AEBP2: variants seen among roughly 807,000 people sequenced by gnomAD.
The protein encoded by AEBP2 is AE binding protein 2.
AEBP2 carries 10 observed loss-of-function variants against 50.8 expected under a neutral mutation model. The ratio of observed to expected loss-of-function variants is 0.20; its 90% CI spans 0.12 to 0.33. The LOEUF is 0.33. Ranked by LOEUF, AEBP2 falls within the 10% of genes least tolerant of loss-of-function variation. The probability of loss-of-function intolerance (pLI) is 1.00; values close to 1 mark genes in which losing one functional copy is unlikely to be tolerated. For synonymous variants in AEBP2, 296 were observed against 261.3 expected, an observed-to-expected ratio of 1.13 and a Z score of -1.28; for missense variants, 570 against 688.0, an observed-to-expected ratio of 0.83 and a Z score of 1.92.
upstream of AEBP2, among the ~76,000 whole-genome samples, chr12:19,439,337 G>A (rs1245460477): frequency 6.6e-6 from 1 of 151,328 alleles, no homozygotes; most frequent in South Asian, 2.1e-4. Flanking sequence ...CCGGCAGGGC[G>A]TGGGAAGGCC....
At chr12:19,430,240 C>T (rs188162224) in intron 1 of AEBP2, among the ~76,000 whole-genome samples, 6 of 152,298 alleles carry the variant, frequency 3.9e-5, no homozygotes, top group Non-Finnish European at 7.3e-5. Context: ...GGAATCCTTT[C>T]CCCATTTCTT....
chr12:19,438,290 T>C (rs1947882040), upstream of AEBP2, among the ~76,000 whole-genome samples: 1 of 152,242 alleles, frequency 6.6e-6, no homozygotes, highest in African/African-American at 2.4e-5. Context: ...TTTTTCTTTG[T>C]TAGATCTTTA....
rs74561069 is a variant in AEBP2 at position 19,433,097 on chromosome 12, A to T, written c.-17+28881A>T. Among the ~76,000 whole-genome samples, 5 of 152,062 alleles carry T rather than the reference A, an allele frequency of 3.3e-5. No homozygotes were observed. The East Asian group carries it at 9.6e-4, about 29-fold the overall frequency. On this transcript the variant is annotated intron_variant, in intron 1 of 3. Transcript: ENST00000538425. ...GAAAGACCAGTATTTAAAAAAAAAA[A>T]TTTCTGGGCTGGGCACAGTGGCTCA...
At chr12:19,412,307 C>T (rs1202128406) in intron 1 of AEBP2, among the ~76,000 whole-genome samples, 1 of 151,914 alleles carries the variant, frequency 6.6e-6, no homozygotes, top group Non-Finnish European at 1.5e-5. Flanking sequence ...GAGACAGGGT[C>T]TTGTGCTATC....
intron 3 of AEBP2, among the ~76,000 whole-genome samples, chr12:19,482,344 C>T (rs76510975): frequency 0.022 from 3,272 of 152,086 alleles, 41 homozygotes; most frequent in East Asian, 0.043. Flanking sequence ...TGGTGGTGTT[C>T]GGTTGTAGAT....
intron 1 of AEBP2, among the ~76,000 whole-genome samples, chr12:19,428,449 G>A (rs763981746): frequency 1.3e-5 from 2 of 152,196 alleles, no homozygotes; most frequent in Non-Finnish European, 2.9e-5. Flanking sequence ...CCCATGAACA[G>A]GAAGGAGATA....
intron 1 of AEBP2, chr12:19,413,271 TA>T: frequency 8.0e-7 from 1 of 1,255,896 alleles, no homozygotes; most frequent in Non-Finnish European, 1.2e-6. Context: ...TTAGCACTTG[TA>T]AAGCCTGAAA....
At chr12:19,432,763 G>A (rs1037143446) in intron 1 of AEBP2, among the ~76,000 whole-genome samples, 1 of 152,100 alleles carries the variant, frequency 6.6e-6, no homozygotes, top group Non-Finnish European at 1.5e-5. Flanking sequence ...ACCTAGAATA[G>A]CAGAGCAGAG....
chr12:19,439,699 C>T lies in AEBP2; in HGVS notation c.-1C>T, dbSNP rs775023420. On this transcript the variant is annotated 5_prime_UTR_variant, in exon 1 of 8. Coordinates refer to ENST00000266508, the MANE Select transcript of AEBP2 (RefSeq NM_153207.5). ...GAGGAGGAGGAGGAGCAGGCGCCGC[C>T]ATGGCCGCCGCTATCACCGACATGG... 2.0e-6 allele frequency: 3 copies of T among 1,513,696 alleles called. No homozygotes were observed. In the South Asian group the frequency reaches 3.6e-5, roughly 18 times the overall value. 93.8% of individuals were successfully genotyped at this position (1,513,696 alleles called of 1,614,324 possible).
chr12:19,410,903 C>A (rs189884995), intron 1 of AEBP2, among the ~76,000 whole-genome samples: 1 of 152,084 alleles, frequency 6.6e-6, no homozygotes, highest in Non-Finnish European at 1.5e-5. Context: ...GAAGGAGGGA[C>A]GGCTTAACTT....
At chr12:19,425,396 A>G (rs2095748008) in intron 1 of AEBP2, among the ~76,000 whole-genome samples, 1 of 152,172 alleles carries the variant, frequency 6.6e-6, no homozygotes, top group African/African-American at 2.4e-5. Context: ...GAATATTAGA[A>G]ATAGTGGAAT....
intron 1 of AEBP2, among the ~76,000 whole-genome samples, chr12:19,423,208 A>G (rs1481811553): frequency 3.3e-5 from 5 of 151,902 alleles, no homozygotes; most frequent in Non-Finnish European, 2.9e-5. Flanking sequence ...CACTCAATAT[A>G]TGGTGAATAA....
chr12:19,479,956 G>A (rs1308025426), intron 3 of AEBP2, among the ~76,000 whole-genome samples: 1 of 151,658 alleles, frequency 6.6e-6, no homozygotes, highest in African/African-American at 2.4e-5. Flanking sequence ...TTTAAATGTA[G>A]CATTTAGGCC....
In AEBP2 at chr12:19,448,201, C is replaced by T. The variant is rs1462135899; in HGVS notation, c.671+7831C>T. On this transcript the variant is annotated intron_variant, in intron 1 of 7. Transcript: ENST00000266508. ...GGATTACAGGCGTGAGCCACTGTGC[C>T]TTGCCAGAAGTCATCATATTTCTAC... 1.3e-5 allele frequency among the ~76,000 whole-genome samples: 2 copies of T among 152,270 alleles called. 1 individual carries two copies. The highest frequency in any genetic ancestry group is 4.1e-4 in the South Asian group (2 of 4,822).
intron 3 of AEBP2, among the ~76,000 whole-genome samples, chr12:19,478,139 AT>A (rs1178798767): frequency 4.6e-5 from 7 of 152,122 alleles, no homozygotes; most frequent in Non-Finnish European, 1.0e-4. Context: ...CAGCTTGTTC[AT>A]TTACCTTTTG....
intron 1 of AEBP2, chr12:19,456,438 G>C: frequency 4.2e-6 from 6 of 1,413,692 alleles, no homozygotes; most frequent in East Asian, 2.3e-5. Flanking sequence ...AACGTTGGCA[G>C]CATCACCAGA....
At chr12:19,465,263 G>A (rs1256747465) in intron 2 of AEBP2, among the ~76,000 whole-genome samples, 11 of 151,786 alleles carry the variant, frequency 7.2e-5, no homozygotes, top group Non-Finnish European at 1.0e-4. Context: ...GTATAGTTGC[G>A]TCCCCCTGTA....
In AEBP2 at chr12:19,520,578, C is replaced by T. The variant is rs894401026; in HGVS notation, c.*2461C>T. The stretch of plus-strand genomic sequence containing the variant: ...GTGGTTTTCATTTATTAATGTCTGC[C>T]CATCTGTATTGTTGCTCCTACCTTC... On this transcript the variant is annotated 3_prime_UTR_variant, in exon 8 of 8. Coordinates refer to ENST00000266508, the MANE Select transcript of AEBP2 (RefSeq NM_153207.5). 3 of 151,996 alleles carry T rather than the reference C, an allele frequency of 2.0e-5. No homozygotes were observed. Among genetic ancestry groups the T allele is most frequent in the Non-Finnish European group, 4.4e-5 (3 of 68,002 alleles). The allele number at this position is 151,996 out of a possible 1,614,324, so 9.4% of individuals were successfully genotyped here. A position where few individuals can be genotyped will look rare whatever the true frequency, so the allele number is the denominator to read the frequency against.
At chr12:19,456,046 A>G (rs1039918534) in intron 1 of AEBP2, among the ~76,000 whole-genome samples, 1 of 152,164 alleles carries the variant, frequency 6.6e-6, no homozygotes, top group Non-Finnish European at 1.5e-5. Flanking sequence ...TTAAAAACTA[A>G]TAACTTAAAA....
Sources: allele counts gnomAD v4.1 joint callset (sites outside exome capture counted in the v4.1 genomes callset), GRCh38; gene constraint gnomAD v4.1.1; transcripts MANE v1.5; gene names NCBI Gene and HGNC (gene_info 2026-07-23, HGNC 2026-07-21).